BEND5: variants seen among roughly 807,000 people sequenced by gnomAD.
The protein encoded by BEND5 is BEN domain containing 5.
Under a neutral mutation model 43.9 loss-of-function variants are expected in BEND5, and 22 were observed. That is an observed-to-expected ratio of 0.50 (90% CI 0.36 to 0.72). BEND5 has a LOEUF of 0.72. BEND5 is among the 30% of genes least tolerant of loss of function. The pLI is 0.00. For synonymous variants in BEND5, 228 were observed against 225.9 expected (o/e 1.01, Z -0.08); for missense variants, 428 against 550.6 (o/e 0.78, Z 2.23).
At chr1:48,741,775 C>T (rs1273448126) in intron 4 of BEND5, among the ~76,000 whole-genome samples, 3 of 152,136 alleles carry the variant, frequency 2.0e-5, no homozygotes, top group East Asian at 1.9e-4. Context: ...CAACACATGA[C>T]GCGTTAAGGA....
At chr1:48,754,508 C>T (rs1280404166) in intron 3 of BEND5, among the ~76,000 whole-genome samples, 2 of 152,072 alleles carry the variant, frequency 1.3e-5, no homozygotes, top group African/African-American at 2.4e-5. Context: ...GTACCTTGTA[C>T]ATTGGAATGT....
chr1:48,757,711 G>C (rs1211445657), intron 3 of BEND5, among the ~76,000 whole-genome samples: 2 of 152,152 alleles, frequency 1.3e-5, no homozygotes, highest in African/African-American at 4.8e-5. Flanking sequence ...AAGTAAATTA[G>C]GGTAAGAATA....
At chr1:48,745,308 TG>T (rs1199245781) in intron 3 of BEND5, among the ~76,000 whole-genome samples, 1 of 152,178 alleles carries the variant, frequency 6.6e-6, no homozygotes, top group Non-Finnish European at 1.5e-5. Flanking sequence ...TAATCTTTCT[TG>T]GAGTCCGAGA....
intron 3 of BEND5, among the ~76,000 whole-genome samples, chr1:48,752,036 T>C (rs1008783194): frequency 6.6e-6 from 1 of 152,216 alleles, no homozygotes; most frequent in African/African-American, 2.4e-5. Flanking sequence ...GGTCTCTTCC[T>C]GCCATCTGAA....
chr1:48,754,935 T>C (rs954130797), intron 3 of BEND5, among the ~76,000 whole-genome samples: 7 of 152,198 alleles, frequency 4.6e-5, no homozygotes, highest in Non-Finnish European at 1.0e-4. Context: ...TGACACTTTT[T>C]GGGCTTGTTT....
At chr1:48,748,175 G>C (rs749199413) in intron 3 of BEND5, among the ~76,000 whole-genome samples, 4 of 152,194 alleles carry the variant, frequency 2.6e-5, no homozygotes, top group Non-Finnish European at 5.9e-5. Flanking sequence ...GTTAAACAAA[G>C]GCCTTGGAAA....
At chr1:48,752,182 C>T (rs143369167) in intron 3 of BEND5, among the ~76,000 whole-genome samples, 2,897 of 152,270 alleles carry the variant, frequency 0.019, 41 homozygotes, top group Non-Finnish European at 0.032. Context: ...CTTGTCCACC[C>T]GCTTTGGGCC....
chr1:48,758,010 G>T (rs1404074325), intron 3 of BEND5, among the ~76,000 whole-genome samples: 1 of 152,116 alleles, frequency 6.6e-6, no homozygotes, highest in Non-Finnish European at 1.5e-5. Flanking sequence ...TCTCTGGTAA[G>T]CAGTCATTTC....
At chr1:48,738,757 T>C (rs545238784) in intron 4 of BEND5, among the ~76,000 whole-genome samples, 2 of 152,256 alleles carry the variant, frequency 1.3e-5, no homozygotes, top group South Asian at 2.1e-4. Flanking sequence ...GAAAGGGAGA[T>C]GAAAGTCCTT....
chr1:48,762,441 C>T (rs1644309419), intron 1 of BEND5, among the ~76,000 whole-genome samples: 1 of 152,144 alleles, frequency 6.6e-6, no homozygotes, highest in Non-Finnish European at 1.5e-5. Flanking sequence ...GGACTGTCCC[C>T]TTGTGGTAAA....
chr1:48,739,206 G>T (rs1018602573), intron 4 of BEND5, among the ~76,000 whole-genome samples: 1 of 152,190 alleles, frequency 6.6e-6, no homozygotes, highest in Admixed American at 6.5e-5. Flanking sequence ...GCCACCGACT[G>T]GCCTTTGCCT....
chr1:48,761,834 C>A (rs1644269684), intron 1 of BEND5, among the ~76,000 whole-genome samples: 1 of 152,128 alleles, frequency 6.6e-6, no homozygotes, highest in Non-Finnish European at 1.5e-5. Context: ...ACATGAATCC[C>A]TCAACTCAAC....
At chr1:48,752,585 G>A (rs79911184) in intron 3 of BEND5, among the ~76,000 whole-genome samples, 3,388 of 152,228 alleles carry the variant, frequency 0.022, 98 homozygotes, top group African/African-American at 0.078. Flanking sequence ...ATCCCAGACC[G>A]TCACATCTGT....
Position 48,727,780 on chromosome 1 carries a change from GC to G in BEND5, c.*105del. On this transcript the variant is annotated 3_prime_UTR_variant, in exon 6 of 6. Transcript: ENST00000371833. ...TGACCCCAGAACCCGATGGATCCCT[GC>G]ACACACACCACCATGCACGGTGGGG... 8.9e-7 allele frequency: 1 copy of G among 1,118,560 alleles called. No individual in the cohort carries two copies. The highest frequency in any genetic ancestry group is 2.4e-5 in the East Asian group (1 of 41,292). The allele number at this position is 1,118,560 out of a possible 1,614,324, so 69.3% of individuals were successfully genotyped here. A position where few individuals can be genotyped will look rare whatever the true frequency, so the allele number is the denominator to read the frequency against.
At chr1:48,735,019 T>C (rs1402180718) in intron 5 of BEND5, among the ~76,000 whole-genome samples, 1 of 152,244 alleles carries the variant, frequency 6.6e-6, no homozygotes, top group African/African-American at 2.4e-5. Flanking sequence ...TCAAGTTACT[T>C]AACATTTCTG....
intron 4 of BEND5, among the ~76,000 whole-genome samples, chr1:48,741,377 G>A (rs1021396209): frequency 6.6e-6 from 1 of 152,220 alleles, no homozygotes; most frequent in African/African-American, 2.4e-5. Context: ...TAGGACAGAT[G>A]TAGAGCTATG....
chr1:48,746,371 C>T (rs147504974), intron 3 of BEND5, among the ~76,000 whole-genome samples: 8 of 152,192 alleles, frequency 5.3e-5, no homozygotes, highest in African/African-American at 1.9e-4. Flanking sequence ...TAGTGCTTAG[C>T]ACAGGCCCAG....
chr1:48,737,529 C>T (rs1649262618), intron 4 of BEND5, among the ~76,000 whole-genome samples: 1 of 152,156 alleles, frequency 6.6e-6, no homozygotes, highest in South Asian at 2.1e-4. Context: ...TGGATTTCAT[C>T]TCAAAGTTCC....
At chr1:48,745,852 C>G (rs868425830) in intron 3 of BEND5, among the ~76,000 whole-genome samples, 5 of 152,118 alleles carry the variant, frequency 3.3e-5, no homozygotes, top group South Asian at 4.1e-4. Context: ...TTTGCACTCT[C>G]CCCACCCCTC....
Sources: gnomAD v4.1 joint callset for allele counts (sites outside exome capture counted in the v4.1 genomes callset) on GRCh38, gnomAD v4.1.1 for gene constraint, MANE v1.5 for transcripts, NCBI Gene and HGNC (gene_info 2026-07-23, HGNC 2026-07-21) for gene names.